ATP13A4: variants seen among roughly 807,000 people sequenced by gnomAD.
ATP13A4 encodes the protein ATPase 13A4, also known as probable cation-transporting ATPase 13A4.
ATP13A4 carries 114 observed loss-of-function variants against 142.5 expected under a neutral mutation model. The ratio of observed to expected loss-of-function variants is 0.80; its 90% CI spans 0.69 to 0.93. The LOEUF is 0.93. ATP13A4 is among the 40% of genes least tolerant of loss of function. The probability of loss-of-function intolerance (pLI) is 0.00; values close to 1 mark genes in which losing one functional copy is unlikely to be tolerated. For missense variants in ATP13A4, 1,392 were observed against 1,454.0 expected (o/e 0.96, Z 0.69); for synonymous variants, 488 against 514.8 (o/e 0.95, Z 0.70).
At chr3:193,409,651 C>A (rs1253960173) in intron 28 of ATP13A4, among the ~76,000 whole-genome samples, 1 of 152,200 alleles carries the variant, frequency 6.6e-6, no homozygotes, top group Admixed American at 6.5e-5. Flanking sequence ...AGGCACTTAA[C>A]AACAGTGGTA....
intron 1 of ATP13A4, among the ~76,000 whole-genome samples, chr3:193,530,838 C>T (rs1379922149): frequency 6.6e-6 from 1 of 152,136 alleles, no homozygotes; most frequent in African/African-American, 2.4e-5. Flanking sequence ...CTCTTTAGAA[C>T]AGCACATAAA....
chr3:193,532,318 C>T (rs1722377689), intron 1 of ATP13A4, among the ~76,000 whole-genome samples: 3 of 150,734 alleles, frequency 2.0e-5, no homozygotes, highest in African/African-American at 7.3e-5. Flanking sequence ...ACTTATTAGG[C>T]AATGCTATTC....
chr3:193,412,509 AC>A, intron 26 of ATP13A4, 138 bp from the exon 27 acceptor site: 9 of 41,784 alleles, frequency 2.2e-4, no homozygotes, highest in Admixed American at 7.6e-4. Context: ...TTTGGAAAAC[AC>A]ACACACACAC....
intron 2 of ATP13A4, among the ~76,000 whole-genome samples, chr3:193,579,835 G>A (rs1724495613): frequency 6.6e-6 from 1 of 152,170 alleles, no homozygotes; most frequent in South Asian, 2.1e-4. Flanking sequence ...TGCACACTAT[G>A]TGCCAAGCAC....
At chr3:193,480,050 T>A (rs1719199256) in intron 8 of ATP13A4, among the ~76,000 whole-genome samples, 1 of 152,110 alleles carries the variant, frequency 6.6e-6, no homozygotes, top group Non-Finnish European at 1.5e-5. Flanking sequence ...GTTGGGATAA[T>A]TGGCAAGCCA....
At chr3:193,590,734 A>G (rs188577832) in intron 1 of ATP13A4, among the ~76,000 whole-genome samples, 47 of 152,368 alleles carry the variant, frequency 3.1e-4, no homozygotes, top group African/African-American at 5.8e-4. Flanking sequence ...GGAGTCAACT[A>G]TGTCAGGTTC....
intron 2 of ATP13A4, among the ~76,000 whole-genome samples, chr3:193,509,403 GAGCCAGCA>G (rs1368133453): frequency 6.6e-6 from 1 of 152,162 alleles, no homozygotes; most frequent in Non-Finnish European, 1.5e-5. Flanking sequence ...ACTTGCCCAT[GAGCCAGCA>G]CTGTTGGCTG....
chr3:193,467,561 C>T (rs1718375710), intron 9 of ATP13A4, 75 bp from the exon 10 acceptor site: 3 of 1,464,326 alleles, frequency 2.0e-6, no homozygotes, highest in Admixed American at 1.7e-5. Flanking sequence ...ACCCACTCAT[C>T]ATACAACAGA....
At chr3:193,486,469 G>A (rs1187628784) in intron 7 of ATP13A4, among the ~76,000 whole-genome samples, 2 of 152,286 alleles carry the variant, frequency 1.3e-5, no homozygotes, top group South Asian at 2.1e-4. Flanking sequence ...AAAAATCAAA[G>A]GACTTTCTGT....
chr3:193,469,732 C>T (rs1318198257), intron 9 of ATP13A4, among the ~76,000 whole-genome samples: 1 of 152,164 alleles, frequency 6.6e-6, no homozygotes, highest in African/African-American at 2.4e-5. Flanking sequence ...GCTTGAAGTG[C>T]TAATACAAGG....
At chr3:193,467,235 CTT>C in intron 10 of ATP13A4, 79 bp downstream of exon 10, 2 of 1,443,862 alleles carry the variant, frequency 1.4e-6, no homozygotes, top group Non-Finnish European at 1.9e-6. Context: ...AACAGCTTCT[CTT>C]TACCTAATAA....
intron 3 of ATP13A4, 63 bp downstream of exon 3, chr3:193,502,430 A>T (rs66855900): frequency 0.11 from 173,820 of 1,556,654 alleles, 12,655 homozygotes; most frequent in East Asian, 0.31. Context: ...ACATTTAACT[A>T]TATACTTGAG....
chr3:193,502,035 G>T (rs973911738), intron 3 of ATP13A4, among the ~76,000 whole-genome samples: 1 of 152,158 alleles, frequency 6.6e-6, no homozygotes, highest in African/African-American at 2.4e-5. Context: ...GCTGAGGCAG[G>T]AGGATCACTT....
At chr3:193,551,187 G>C (rs899370760) in intron 1 of ATP13A4, among the ~76,000 whole-genome samples, 4 of 152,192 alleles carry the variant, frequency 2.6e-5, no homozygotes, top group Non-Finnish European at 4.4e-5. Flanking sequence ...GCTGAGGCAG[G>C]TGGATCACAA....
chr3:193,472,277 G>A (rs137996122), intron 8 of ATP13A4, among the ~76,000 whole-genome samples: 3 of 152,324 alleles, frequency 2.0e-5, no homozygotes, highest in African/African-American at 7.2e-5. Context: ...ATTAAATCTA[G>A]GGCTATGCGC....
At chr3:193,552,192 T>A (rs1042056022) in intron 1 of ATP13A4, among the ~76,000 whole-genome samples, 1 of 152,186 alleles carries the variant, frequency 6.6e-6, no homozygotes, top group Admixed American at 6.5e-5. Context: ...CAGGATGGTC[T>A]CAATCTCTTG....
At chr3:193,520,253 T>C (rs1209330325) in intron 1 of ATP13A4, among the ~76,000 whole-genome samples, 2 of 152,168 alleles carry the variant, frequency 1.3e-5, no homozygotes, top group African/African-American at 4.8e-5. Context: ...ACTCTCCTTG[T>C]TCCTAGCCCA....
chr3:193,566,170 G>C (rs987425344), intron 2 of ATP13A4, among the ~76,000 whole-genome samples: 9 of 152,116 alleles, frequency 5.9e-5, no homozygotes, highest in Non-Finnish European at 1.0e-4. Context: ...TGGTTCTCCT[G>C]GGGTAATGGA....
chr3:193,578,339 A>ATATCTATATC (rs1560289051), intron 2 of ATP13A4, among the ~76,000 whole-genome samples: 3 of 134,094 alleles, frequency 2.2e-5, no homozygotes, highest in African/African-American at 8.3e-5. Context: ...ATCTATATCT[A>ATATCTATATC]TATCTATCTA....
Sources: allele counts gnomAD v4.1 joint callset (sites outside exome capture counted in the v4.1 genomes callset), GRCh38; gene constraint gnomAD v4.1.1; transcripts MANE v1.5; gene names NCBI Gene and HGNC (gene_info 2026-07-23, HGNC 2026-07-21).